Variants in AUTS2 observed in about 807,000 individuals in gnomAD.
The protein encoded by AUTS2 is autism susceptibility gene 2 protein.
AUTS2 carries 17 observed loss-of-function variants against 112.4 expected under a neutral mutation model. The observed-to-expected ratio is 0.15, with a 90% CI of 0.10 to 0.23. AUTS2 has a LOEUF of 0.23. Ranked by LOEUF, AUTS2 falls within the 10% of genes least tolerant of loss-of-function variation. The pLI is 1.00. For synonymous variants in AUTS2, 751 were observed against 702.7 expected (o/e 1.07, Z -1.09); for missense variants, 1,510 against 1,701.6 (o/e 0.89, Z 1.98).
intron 1 of AUTS2, among the ~76,000 whole-genome samples, chr7:69,784,168 G>A (rs185606288): frequency 1.3e-5 from 2 of 152,274 alleles, no homozygotes; most frequent in Non-Finnish European, 1.5e-5. Context: ...AGGCTGCTTC[G>A]TCAGGCTATT....
intron 5 of AUTS2, among the ~76,000 whole-genome samples, chr7:70,604,472 G>A (rs1221568659): frequency 6.6e-6 from 1 of 152,226 alleles, no homozygotes; most frequent in Non-Finnish European, 1.5e-5. Context: ...TTTGCGTTCA[G>A]CATGCCCAAT....
At chr7:69,803,391 A>G (rs1790168335) in intron 1 of AUTS2, among the ~76,000 whole-genome samples, 1 of 152,146 alleles carries the variant, frequency 6.6e-6, no homozygotes, top group Admixed American at 6.5e-5. Context: ...CCACTAATAT[A>G]ACAAAACTCA....
intron 1 of AUTS2, among the ~76,000 whole-genome samples, chr7:69,717,523 G>A (rs1798676916): frequency 6.6e-6 from 1 of 152,212 alleles, no homozygotes; most frequent in Admixed American, 6.5e-5. Flanking sequence ...AATGAGGACA[G>A]AAAAGTTGAA....
intron 4 of AUTS2, among the ~76,000 whole-genome samples, chr7:70,416,940 G>A (rs1585120732): frequency 1.3e-5 from 2 of 152,168 alleles, no homozygotes. Context: ...GAGAATGAGC[G>A]GGTCTCACAC....
rs78662319 is a variant in AUTS2, at chr7:70,158,872, A to T, written c.660+24301A>T. Among the ~76,000 whole-genome samples the T allele has an allele frequency of 9.3e-4, 142 of 152,310 alleles. 3 individuals carry two copies. In the East Asian group the frequency reaches 0.026, roughly 28 times the overall value. On this transcript the variant is annotated intron_variant, in intron 4 of 18. Coordinates refer to ENST00000342771, the MANE Select transcript of AUTS2 (RefSeq NM_015570.4). ...ATATAAATAATCATCTACCTATGAT[A>T]TACTCAAGGCAATAAATATATAAAT... is the stretch of plus-strand genomic sequence containing the variant.
chr7:70,708,159 A>G (rs951754741), intron 6 of AUTS2, among the ~76,000 whole-genome samples: 1 of 152,222 alleles, frequency 6.6e-6, no homozygotes, highest in African/African-American at 2.4e-5. Flanking sequence ...TCAGCAGAGT[A>G]ACACTAAAAC....
At chr7:70,632,231 G>A (rs1042405753) in intron 5 of AUTS2, among the ~76,000 whole-genome samples, 1 of 152,070 alleles carries the variant, frequency 6.6e-6, no homozygotes, top group Non-Finnish European at 1.5e-5. Flanking sequence ...TTGTTAGGAC[G>A]GAGGTACAGC....
intron 2 of AUTS2, among the ~76,000 whole-genome samples, chr7:70,102,538 C>T (rs536308334): frequency 3.5e-4 from 54 of 152,164 alleles, no homozygotes; most frequent in Non-Finnish European, 1.0e-4. Flanking sequence ...AGATCACACA[C>T]ACACACACAC....
intron 2 of AUTS2, among the ~76,000 whole-genome samples, chr7:70,024,056 G>A (rs150447226): frequency 1.1e-3 from 165 of 152,258 alleles, no homozygotes; most frequent in African/African-American, 3.9e-3. Flanking sequence ...ATTATTCAGG[G>A]ACAAATGTAA....
intron 6 of AUTS2, among the ~76,000 whole-genome samples, chr7:70,759,621 C>G (rs1014848388): frequency 2.0e-5 from 3 of 152,184 alleles, no homozygotes; most frequent in Admixed American, 2.0e-4. Context: ...TCCTCATGTT[C>G]TAGCTGTGGT....
chr7:69,783,156 T>C (rs1403520257), intron 1 of AUTS2, among the ~76,000 whole-genome samples: 2 of 150,782 alleles, frequency 1.3e-5, no homozygotes, highest in Non-Finnish European at 2.9e-5. Flanking sequence ...TGCTTTGACT[T>C]GAAGCACCGC....
In AUTS2 at chr7:69,599,800, C is replaced by T. The variant is rs1314691198; in HGVS notation, c.147C>T (p.Ala49=). Residue 49 remains alanine, a synonymous_variant, in exon 1 of 19, where the codon GCC becomes GCT. Coordinates refer to ENST00000342771, the MANE Select transcript of AUTS2 (RefSeq NM_015570.4). This position sits in a 1 kb window ranked among gnomAD's most constrained non-coding sequence, Gnocchi z 7.0. ...GCCGGACCCGGGCGCTCTCACTCGCCTCGTCGTCGGGCTCCGACAAGGAAG... is the reference window on the plus strand; with the variant it reads ...GCCGGACCCGGGCGCTCTCACTCGCTTCGTCGTCGGGCTCCGACAAGGAAG... The part of the protein sequence containing the change: ...GAGRTRALSL[A]SSSGSDKEDN... 6 of 1,591,014 alleles carry T rather than the reference C, an allele frequency of 3.8e-6. No individual in the cohort carries two copies. Among genetic ancestry groups the T allele is most frequent in the Non-Finnish European group, 4.3e-6 (5 of 1,170,104 alleles).
intron 1 of AUTS2, among the ~76,000 whole-genome samples, chr7:69,723,293 A>G (rs919401133): frequency 6.6e-6 from 1 of 152,084 alleles, no homozygotes; most frequent in Non-Finnish European, 1.5e-5. Context: ...GCAACCTTAC[A>G]TATTGGAATT....
At chr7:69,999,148 A>G (rs1799076150) in intron 2 of AUTS2, among the ~76,000 whole-genome samples, 1 of 152,214 alleles carries the variant, frequency 6.6e-6, no homozygotes, top group Admixed American at 6.5e-5. Flanking sequence ...CTTGAAGGAA[A>G]GAGAGGGTGG....
chr7:69,675,247 G>A (rs1209532892), intron 1 of AUTS2, among the ~76,000 whole-genome samples: 2 of 152,022 alleles, frequency 1.3e-5, no homozygotes, highest in Non-Finnish European at 2.9e-5. Context: ...TGAGAAGCTG[G>A]CTTTTATATT....
At chr7:69,639,754 T>C (rs2129117045) in intron 1 of AUTS2, among the ~76,000 whole-genome samples, 1 of 152,334 alleles carries the variant, frequency 6.6e-6, no homozygotes, top group South Asian at 2.1e-4. Context: ...AAAGCTGTGT[T>C]GTGGCAGTGC....
rs571611366 is a variant in AUTS2 at position 70,412,058 on chromosome 7, C to A, written c.661-23694C>A. Among the ~76,000 whole-genome samples, 4 of 151,986 alleles carry A rather than the reference C, an allele frequency of 2.6e-5. No homozygotes were observed. The South Asian group carries it at 8.4e-4, about 32-fold the overall frequency. ...CACAGGCACCCACTACCATGCCCAG[C>A]TAATTTTTGTACTTTCAGTGGAGTT... On this transcript the variant is annotated intron_variant, in intron 4 of 18. Transcript: ENST00000342771.
intron 6 of AUTS2, among the ~76,000 whole-genome samples, chr7:70,722,635 T>C (rs1263656588): frequency 6.6e-6 from 1 of 152,232 alleles, no homozygotes; most frequent in African/African-American, 2.4e-5. Context: ...GGTTAATCAA[T>C]AAGGGAAGTG....
At chr7:69,965,589 C>T (rs1797605424) in intron 2 of AUTS2, among the ~76,000 whole-genome samples, 1 of 152,114 alleles carries the variant, frequency 6.6e-6, no homozygotes, top group South Asian at 2.1e-4. Flanking sequence ...CAGTGCCAAT[C>T]TAAAGGACGA....
Sources: allele counts gnomAD v4.1 joint callset (sites outside exome capture counted in the v4.1 genomes callset), GRCh38; gene constraint gnomAD v4.1.1; non-coding constraint Gnocchi (gnomAD v3.1); transcripts MANE v1.5; gene names NCBI Gene and HGNC (gene_info 2026-07-23, HGNC 2026-07-21).